PHF20: variants seen among roughly 807,000 people sequenced by gnomAD.
PHF20 encodes the protein PHD finger protein 20.
PHF20 carries 23 observed loss-of-function variants against 113.5 expected under a neutral mutation model. The observed-to-expected ratio is 0.20, with a 90% CI of 0.15 to 0.29. The LOEUF is 0.29. PHF20 is among the 10% of genes least tolerant of loss of function. The pLI, the probability that PHF20 is intolerant of heterozygous loss-of-function variation, is 1.00. For synonymous variants in PHF20, 434 were observed against 457.3 expected (o/e 0.95, Z 0.65); for missense variants, 943 against 1,219.6 (o/e 0.77, Z 3.38).
At chr20:35,931,542 C>A in intron 15 of PHF20, 98 bp downstream of exon 15, 2 of 867,578 alleles carry the variant, frequency 2.3e-6, no homozygotes, top group Non-Finnish European at 3.4e-6. Context: ...GCAATCAAAT[C>A]ATAAAACTGA....
chr20:35,840,446 C>T (rs1396851229), intron 2 of PHF20, among the ~76,000 whole-genome samples: 3 of 152,108 alleles, frequency 2.0e-5, no homozygotes, highest in Middle Eastern at 3.4e-3. Flanking sequence ...AAGGATTTAA[C>T]GTGGGGAATT....
At chr20:35,943,731 C>T (rs1473238988) in intron 17 of PHF20, among the ~76,000 whole-genome samples, 1 of 152,114 alleles carries the variant, frequency 6.6e-6, no homozygotes, top group Non-Finnish European at 1.5e-5. Context: ...AGCAATTCTC[C>T]TGCTTCAGCC....
intron 6 of PHF20, 51 bp downstream of exon 6, chr20:35,863,451 G>A: frequency 6.7e-7 from 1 of 1,483,048 alleles, no homozygotes. Context: ...GTATTCTTCT[G>A]TGGCCCTTTG....
At chr20:35,797,722 A>G (rs907200733) in intron 1 of PHF20, among the ~76,000 whole-genome samples, 20 of 149,648 alleles carry the variant, frequency 1.3e-4, no homozygotes, top group African/African-American at 4.2e-4. Context: ...CACGATGTCA[A>G]CTCACTGCAA....
At chr20:35,889,565 G>A (rs752707546) in intron 9 of PHF20, among the ~76,000 whole-genome samples, 2 of 151,830 alleles carry the variant, frequency 1.3e-5, no homozygotes, top group Admixed American at 6.6e-5. Flanking sequence ...GTTTCACCAT[G>A]TTGGCCAGGC....
At chr20:35,791,566 A>C (rs536384936) in intron 1 of PHF20, among the ~76,000 whole-genome samples, 323 of 136,308 alleles carry the variant, frequency 2.4e-3, no homozygotes, top group Non-Finnish European at 3.9e-3. Flanking sequence ...TATATATCTT[A>C]GAATTGTGTG....
intron 2 of PHF20, among the ~76,000 whole-genome samples, chr20:35,833,357 T>C (rs2042386163): frequency 6.6e-6 from 1 of 152,154 alleles, no homozygotes; most frequent in Non-Finnish European, 1.5e-5. Context: ...AGATGAGAGT[T>C]TTTGATGCTT....
chr20:35,921,671 G>A (rs1488104745), intron 13 of PHF20, among the ~76,000 whole-genome samples: 2 of 151,684 alleles, frequency 1.3e-5, no homozygotes, highest in Admixed American at 6.6e-5. Flanking sequence ...GTGACAGAAT[G>A]AGACCCTGTC....
intron 2 of PHF20, among the ~76,000 whole-genome samples, chr20:35,836,368 A>G (rs549516917): frequency 6.6e-6 from 1 of 152,184 alleles, no homozygotes; most frequent in African/African-American, 2.4e-5. Context: ...TAAGATATGC[A>G]CTATTCTGTA....
rs577965018 is a variant in PHF20, at chr20:35,899,680, A to T, written c.1561+32A>T. ...ATCTTCATTCTTCATTGTGTCATGG[A>T]TGGCTCAGTTGCTTGGCCACAGTGC... On this transcript the variant is annotated intron_variant, in intron 10 of 17. Coordinates refer to ENST00000374012, the MANE Select transcript of PHF20 (RefSeq NM_016436.5). The T allele has an allele frequency of 8.1e-6, 13 of 1,606,026 alleles. 1 individual carries two copies. The South Asian group carries it at 1.4e-4, about 18-fold the overall frequency.
chr20:35,818,260 GC>G (rs1190992405), intron 2 of PHF20, among the ~76,000 whole-genome samples: 12 of 152,084 alleles, frequency 7.9e-5, no homozygotes, highest in Non-Finnish European at 1.2e-4. Context: ...GGGTGACAGA[GC>G]AAGACTCCGT....
chr20:35,905,467 G>C (rs2055186521), intron 10 of PHF20, among the ~76,000 whole-genome samples: 1 of 148,706 alleles, frequency 6.7e-6, no homozygotes, highest in African/African-American at 2.6e-5. Context: ...GATGGGATTA[G>C]TGGCATTATA....
rs574200214 is a variant in PHF20 at position 35,828,085 on chromosome 20, A to G, written c.84-14488A>G. Among the ~76,000 whole-genome samples the G allele has an allele frequency of 1.8e-4, 28 of 152,126 alleles. No individual in the cohort carries two copies. In the East Asian group the frequency reaches 5.1e-3, roughly 27 times the overall value. On this transcript the variant is annotated intron_variant, in intron 2 of 17. Transcript: ENST00000374012. The stretch of plus-strand genomic sequence containing the variant: ...GTTGCCCAGGCTGGAGTGCAATGGC[A>G]TGATCTCGGCCCACCACAACCTCCG...
intron 9 of PHF20, among the ~76,000 whole-genome samples, chr20:35,873,051 T>A (rs1368643931): frequency 2.0e-5 from 3 of 152,140 alleles, no homozygotes; most frequent in African/African-American, 7.2e-5. Context: ...CCTTTAATTT[T>A]GTCATTTTTG....
chr20:35,866,888 TG>T, intron 6 of PHF20, among the ~76,000 whole-genome samples: 1 of 152,320 alleles, frequency 6.6e-6, no homozygotes, highest in East Asian at 1.9e-4. Flanking sequence ...ATAGAAGGGA[TG>T]TTTTCTAAGT....
At chr20:35,808,353 T>C (rs184072043) in intron 2 of PHF20, among the ~76,000 whole-genome samples, 2 of 152,226 alleles carry the variant, frequency 1.3e-5, no homozygotes, top group Admixed American at 1.3e-4. Flanking sequence ...AGTTTGTTGT[T>C]TGACTTTAAC....
chr20:35,830,097 A>G (rs997774362), intron 2 of PHF20, among the ~76,000 whole-genome samples: 3 of 151,838 alleles, frequency 2.0e-5, no homozygotes, highest in Non-Finnish European at 2.9e-5. Context: ...GTATTTTAGT[A>G]GAGACGGGGT....
chr20:35,775,042 A>T (rs1452056078), intron 1 of PHF20: 12 of 152,244 alleles, frequency 7.9e-5, no homozygotes, highest in Admixed American at 2.0e-4. Flanking sequence ...AATAAAATAT[A>T]GTATACTGAA....
At chr20:35,911,126 C>T (rs1408736728) in intron 10 of PHF20, among the ~76,000 whole-genome samples, 1 of 151,664 alleles carries the variant, frequency 6.6e-6, no homozygotes, top group Non-Finnish European at 1.5e-5. Context: ...CTGCAAGCTC[C>T]GCCTCCTGGG....
Sources: allele counts gnomAD v4.1 joint callset (sites outside exome capture counted in the v4.1 genomes callset), GRCh38; gene constraint gnomAD v4.1.1; transcripts MANE v1.5; gene names NCBI Gene and HGNC (gene_info 2026-07-23, HGNC 2026-07-21).